SPPL3: variants seen among roughly 807,000 people sequenced by gnomAD.
SPPL3 encodes signal peptide peptidase-like 3.
In SPPL3, 5 loss-of-function variants were observed where a neutral mutation model predicts 42.4. That is an observed-to-expected ratio of 0.12 (90% CI 0.06 to 0.25). The LOEUF (loss-of-function observed/expected upper bound fraction) is 0.25. SPPL3 is among the 10% of genes least tolerant of loss of function. The probability of loss-of-function intolerance (pLI) is 1.00; values close to 1 mark genes in which losing one functional copy is unlikely to be tolerated. For missense variants in SPPL3, 235 were observed against 489.0 expected (o/e 0.48, Z 4.90); for synonymous variants, 195 against 181.8 (o/e 1.07, Z -0.58).
chr12:120,825,694 C>G (rs570872723), intron 1 of SPPL3, among the ~76,000 whole-genome samples: 1 of 152,106 alleles, frequency 6.6e-6, no homozygotes, highest in African/African-American at 2.4e-5. Context: ...TTAACGTCAC[C>G]TGAAAACATT....
At chr12:120,856,442 C>G (rs1407740334) in intron 1 of SPPL3, among the ~76,000 whole-genome samples, 1 of 148,742 alleles carries the variant, frequency 6.7e-6, no homozygotes, top group Admixed American at 6.7e-5. Context: ...ATACACAGAA[C>G]ATGAACCCTT....
At chr12:120,809,155 C>T (rs547520964) in intron 2 of SPPL3, among the ~76,000 whole-genome samples, 9 of 152,254 alleles carry the variant, frequency 5.9e-5, no homozygotes, top group African/African-American at 1.4e-4. Flanking sequence ...ACCATCCTGG[C>T]TAACACGGTG....
chr12:120,779,172 C>T (rs1013347164), intron 6 of SPPL3, among the ~76,000 whole-genome samples: 2 of 152,176 alleles, frequency 1.3e-5, no homozygotes, highest in Non-Finnish European at 1.5e-5. Context: ...TATATATAGC[C>T]TATAAGATCA....
At chr12:120,815,454 C>G (rs1870836024) in intron 1 of SPPL3, among the ~76,000 whole-genome samples, 1 of 152,072 alleles carries the variant, frequency 6.6e-6, no homozygotes, top group African/African-American at 2.4e-5. Context: ...AAAGTTTTCT[C>G]CAGACTCCAG....
intron 1 of SPPL3, among the ~76,000 whole-genome samples, chr12:120,854,470 G>A (rs926150658): frequency 1.6e-4 from 24 of 152,168 alleles, no homozygotes; most frequent in African/African-American, 5.6e-4. Flanking sequence ...TTCTTTTTAA[G>A]TCATGGCAGC....
At chr12:120,784,041 C>T (rs1869630454) in intron 4 of SPPL3, among the ~76,000 whole-genome samples, 1 of 152,098 alleles carries the variant, frequency 6.6e-6, no homozygotes, top group South Asian at 2.1e-4. Flanking sequence ...ACATTTCCAT[C>T]AATACTTAGC....
chr12:120,805,600 G>A (rs1439563331), intron 2 of SPPL3, among the ~76,000 whole-genome samples: 1 of 152,196 alleles, frequency 6.6e-6, no homozygotes, highest in East Asian at 1.9e-4. Flanking sequence ...ATCATCCTAT[G>A]TGCAGAAAAT....
At chr12:120,861,906 G>A (rs1445987947) in intron 1 of SPPL3, among the ~76,000 whole-genome samples, 5 of 152,092 alleles carry the variant, frequency 3.3e-5, no homozygotes, top group African/African-American at 1.2e-4. Context: ...TATCACTTTG[G>A]GCTGTAGTGC....
chr12:120,779,820 C>CAAAAAAAAAAAA lies in SPPL3; in HGVS notation c.502+2823_502+2834dup, dbSNP rs1164272443. ...CGAAACCTTGTCTCTACTAAAAATACAAAAAAAAAAAAAAAAAAAAAAAAA... is the reference window on the plus strand; with the variant it reads ...CGAAACCTTGTCTCTACTAAAAATACAAAAAAAAAAAAAAAAAAAAAAAAAAAAAAAAAAAAA... On this transcript the variant is annotated intron_variant, in intron 6 of 10. Transcript: ENST00000353487. Among the ~76,000 whole-genome samples, 87 of 42,770 alleles carry CAAAAAAAAAAAA rather than the reference C, an allele frequency of 2.0e-3. 6 individuals carry two copies. The highest frequency in any genetic ancestry group is 4.8e-3 in the African/African-American group (55 of 11,446). 28.1% of individuals were successfully genotyped at this position (42,770 alleles called of 152,430 possible). A position where few individuals can be genotyped will look rare whatever the true frequency, so the allele number is the denominator to read the frequency against.
chr12:120,899,058 T>C (rs1873892879), intron 1 of SPPL3, among the ~76,000 whole-genome samples: 1 of 152,222 alleles, frequency 6.6e-6, no homozygotes, highest in African/African-American at 2.4e-5. Context: ...GAAAGGTGTT[T>C]TTCTCAAATT....
chr12:120,780,067 C>A (rs1030281354), intron 6 of SPPL3, among the ~76,000 whole-genome samples: 1 of 150,870 alleles, frequency 6.6e-6, no homozygotes, highest in Admixed American at 6.6e-5. Context: ...TCTCAAGGGG[C>A]TGGGCCTCGT....
At chr12:120,864,296 A>G (rs2137044689) in intron 1 of SPPL3, among the ~76,000 whole-genome samples, 1 of 152,286 alleles carries the variant, frequency 6.6e-6, no homozygotes, top group East Asian at 1.9e-4. Flanking sequence ...GCACTTTGGG[A>G]GGCCGAGCTA....
chr12:120,796,263 C>A lies in SPPL3; in HGVS notation c.102-4706G>T, dbSNP rs182661278. Among the ~76,000 whole-genome samples, 186 of 152,238 alleles carry A rather than the reference C, an allele frequency of 1.2e-3. 2 individuals carry two copies. The highest frequency in any genetic ancestry group is 5.4e-3 in the East Asian group (28 of 5,176). ...TGGTGGCACAAACCTATAGTCCCAG[C>A]TACTTGGGAGGCTGAGGCAGGAGAA... On this transcript the variant is annotated intron_variant, in intron 2 of 10. Coordinates refer to ENST00000353487, the MANE Select transcript of SPPL3 (RefSeq NM_139015.5).
intron 1 of SPPL3, among the ~76,000 whole-genome samples, chr12:120,871,173 T>C (rs1872915469): frequency 7.5e-6 from 1 of 132,562 alleles, no homozygotes; most frequent in South Asian, 2.5e-4. Flanking sequence ...AGGTAAACAG[T>C]GATGATGACT....
rs1258648978 is a variant in SPPL3, at chr12:120,769,074, G to C, written c.503-15C>G. On this transcript the variant is annotated splice_polypyrimidine_tract_variant and intron_variant, in intron 6 of 10. Transcript: ENST00000353487. ...CATGGCCAGTGCTGGGGAGGAGACAGGGTACAGCAGACAGCAGTCAGTGTG... is the reference window on the plus strand; with the variant it reads ...CATGGCCAGTGCTGGGGAGGAGACACGGTACAGCAGACAGCAGTCAGTGTG... The C allele has an allele frequency of 5.0e-6, 8 of 1,589,508 alleles. No individual in the cohort carries two copies. Among genetic ancestry groups the C allele is most frequent in the African/African-American group, 4.0e-5 (3 of 74,662 alleles).
chr12:120,903,713 G>C (rs116203952), intron 1 of SPPL3, 132 bp downstream of exon 1: 3 of 764,558 alleles, frequency 3.9e-6, no homozygotes, highest in Non-Finnish European at 5.8e-6. Context: ...GGAAGAGGGG[G>C]GCGTGCACCC....
chr12:120,793,464 C>T (rs1340517683), intron 2 of SPPL3, among the ~76,000 whole-genome samples: 1 of 152,206 alleles, frequency 6.6e-6, no homozygotes, highest in African/African-American at 2.4e-5. Context: ...GCCTGAGCAA[C>T]AAAGTGAGAC....
rs1873875533 is a variant in SPPL3, at chr12:120,898,317, A to ATT, written c.23+5527_23+5528insAA. Among the ~76,000 whole-genome samples the ATT allele has an allele frequency of 1.9e-3, 187 of 96,684 alleles. 1 individual carries two copies. The highest frequency in any genetic ancestry group is 7.6e-3 in the Middle Eastern group (1 of 132). The allele number at this position is 96,684 out of a possible 152,430, so 63.4% of individuals were successfully genotyped here. On this transcript the variant is annotated intron_variant, in intron 1 of 10. Coordinates refer to ENST00000353487, the MANE Select transcript of SPPL3 (RefSeq NM_139015.5). ...CTCTGTTTTTTTTTTTTTTTTTTAAAAAAAAAAAAAAAAAAAAAGATGGGT... is the reference window on the plus strand; with the variant it reads ...CTCTGTTTTTTTTTTTTTTTTTTAAATTAAAAAAAAAAAAAAAAAAGATGGGT...
chr12:120,884,550 T>TAAAAA (rs35595273), intron 1 of SPPL3, among the ~76,000 whole-genome samples: 3 of 143,706 alleles, frequency 2.1e-5, no homozygotes, highest in African/African-American at 7.6e-5. Flanking sequence ...TTGTATAATT[T>TAAAAA]AAAAAAAAAA....
Sources: allele counts gnomAD v4.1 joint callset (sites outside exome capture counted in the v4.1 genomes callset), GRCh38; gene constraint gnomAD v4.1.1; transcripts MANE v1.5; gene names NCBI Gene and HGNC (gene_info 2026-07-23, HGNC 2026-07-21).